Variants in FAF1 observed in about 807,000 individuals in gnomAD.
FAF1 encodes FAS-associated factor 1.
Under a neutral mutation model 92.5 loss-of-function variants are expected in FAF1, and 25 were observed. The observed-to-expected ratio is 0.27, with a 90% confidence interval of 0.20 to 0.38. The LOEUF (loss-of-function observed/expected upper bound fraction) is 0.38. Among genes scored for constraint, FAF1 ranks in the 10% least tolerant of loss-of-function variants. The pLI is 1.00. For synonymous variants in FAF1, 234 were observed against 273.2 expected (o/e 0.86, Z 1.42); for missense variants, 636 against 793.3 (o/e 0.80, Z 2.38).
At chr1:50,442,493 TA>T (rs1329245081) in intron 18 of FAF1, among the ~76,000 whole-genome samples, 3 of 152,208 alleles carry the variant, frequency 2.0e-5, no homozygotes, top group Non-Finnish European at 4.4e-5. Context: ...AGGTGTTCCA[TA>T]ATGACTGCTG....
chr1:50,815,987 A>ACAG (rs1334203092), intron 2 of FAF1, among the ~76,000 whole-genome samples: 1 of 151,568 alleles, frequency 6.6e-6, no homozygotes, highest in Non-Finnish European at 1.5e-5. Flanking sequence ...AGATCAAGGT[A>ACAG]CAGCACTCCA....
At chr1:50,717,625 T>C (rs1206385608) in intron 6 of FAF1, among the ~76,000 whole-genome samples, 1 of 152,152 alleles carries the variant, frequency 6.6e-6, no homozygotes, top group African/African-American at 2.4e-5. Flanking sequence ...AAATCCAAAT[T>C]GAAATCTCAC....
At chr1:50,590,348 A>G (rs1022205746) in intron 9 of FAF1, among the ~76,000 whole-genome samples, 16 of 152,186 alleles carry the variant, frequency 1.1e-4, no homozygotes, top group Non-Finnish European at 2.1e-4. Flanking sequence ...CTTTCATAGT[A>G]CAAGTCTCCC....
At chr1:50,829,681 A>C (rs1488587553) in intron 2 of FAF1, among the ~76,000 whole-genome samples, 2 of 152,208 alleles carry the variant, frequency 1.3e-5, no homozygotes, top group African/African-American at 2.4e-5. Context: ...TCAGGAAAAC[A>C]AGAAACTACC....
intron 4 of FAF1, among the ~76,000 whole-genome samples, chr1:50,783,065 AACAG>A (rs1441805451): frequency 6.6e-6 from 1 of 152,174 alleles, no homozygotes; most frequent in East Asian, 1.9e-4. Flanking sequence ...AAATAATTAT[AACAG>A]ACTACTATGA....
intron 5 of FAF1, among the ~76,000 whole-genome samples, chr1:50,740,958 T>C (rs1046434383): frequency 5.9e-5 from 9 of 152,216 alleles, no homozygotes; most frequent in African/African-American, 1.4e-4. Flanking sequence ...TATCCAAAGA[T>C]TTTCTATTAA....
At chr1:50,788,505 C>T (rs928508525) in intron 3 of FAF1, among the ~76,000 whole-genome samples, 1 of 152,116 alleles carries the variant, frequency 6.6e-6, no homozygotes, top group Non-Finnish European at 1.5e-5. Flanking sequence ...ATTTTTAACT[C>T]GGTAAATTAA....
chr1:50,614,839 CAAA>C (rs1295301237), intron 8 of FAF1, among the ~76,000 whole-genome samples: 3 of 46,822 alleles, frequency 6.4e-5, no homozygotes, highest in Non-Finnish European at 9.2e-5. Flanking sequence ...AACTCCGTCT[CAAA>C]AAAAAAAAAA....
intron 7 of FAF1, among the ~76,000 whole-genome samples, chr1:50,698,462 G>T (rs1401095613): frequency 6.6e-6 from 1 of 152,080 alleles, no homozygotes; most frequent in Non-Finnish European, 1.5e-5. Flanking sequence ...TGACTACATG[G>T]TCATGATCAA....
At chr1:50,847,884 C>T in intron 2 of FAF1, among the ~76,000 whole-genome samples, 1 of 151,396 alleles carries the variant, frequency 6.6e-6, no homozygotes, top group South Asian at 2.1e-4. Context: ...CAAATGCACA[C>T]ATATACACAC....
At chr1:50,922,882 G>C (rs1252762866) in intron 1 of FAF1, among the ~76,000 whole-genome samples, 2 of 131,888 alleles carry the variant, frequency 1.5e-5, no homozygotes, top group African/African-American at 5.6e-5. Context: ...AGATAAAAAA[G>C]ATCAATAAAC....
chr1:50,605,455 T>C (rs992827606), intron 8 of FAF1, among the ~76,000 whole-genome samples: 13 of 152,184 alleles, frequency 8.5e-5, no homozygotes, highest in African/African-American at 3.1e-4. Context: ...CAACTTTACC[T>C]ATATAAAAAA....
At chr1:50,781,129 A>G (rs1661161428) in intron 4 of FAF1, 1 of 301,284 alleles carries the variant, frequency 3.3e-6, no homozygotes, top group Middle Eastern at 1.1e-3. Flanking sequence ...AGGGCAGTCA[A>G]TACTCCTCCG....
At chr1:50,692,461 C>A (rs1656981584) in intron 7 of FAF1, among the ~76,000 whole-genome samples, 1 of 152,092 alleles carries the variant, frequency 6.6e-6, no homozygotes. Flanking sequence ...CCCGTCCACA[C>A]CCCACCACCA....
chr1:50,572,305 TAAAGA>T (rs1650482423), intron 12 of FAF1, among the ~76,000 whole-genome samples: 1 of 152,250 alleles, frequency 6.6e-6, no homozygotes, highest in African/African-American at 2.4e-5. Context: ...ACTTCTACCC[TAAAGA>T]AATGTCTTGA....
intron 8 of FAF1, among the ~76,000 whole-genome samples, chr1:50,619,636 T>C (rs759010791): frequency 1.3e-5 from 2 of 152,190 alleles, no homozygotes; most frequent in Non-Finnish European, 2.9e-5. Context: ...GGGTTCTCTC[T>C]GTATATGACT....
At chr1:50,694,044 G>A (rs777721554) in intron 7 of FAF1, among the ~76,000 whole-genome samples, 2 of 151,514 alleles carry the variant, frequency 1.3e-5, no homozygotes, top group Non-Finnish European at 2.9e-5. Flanking sequence ...ACATATACAT[G>A]ACATGTATGA....
intron 7 of FAF1, among the ~76,000 whole-genome samples, chr1:50,678,861 C>T (rs570030351): frequency 5.6e-5 from 8 of 143,774 alleles, no homozygotes; most frequent in Non-Finnish European, 1.0e-4. Flanking sequence ...CCGAGGCAGG[C>T]GGATCACGAG....
At chr1:50,601,367 C>G (rs984665084) in intron 8 of FAF1, among the ~76,000 whole-genome samples, 1 of 152,104 alleles carries the variant, frequency 6.6e-6, no homozygotes, top group Admixed American at 6.5e-5. Context: ...CTTAATACTT[C>G]TTTCTTTAAA....
Sources: allele counts gnomAD v4.1 joint callset (sites outside exome capture counted in the v4.1 genomes callset), GRCh38; gene constraint gnomAD v4.1.1; transcripts MANE v1.5; gene names NCBI Gene and HGNC (gene_info 2026-07-23, HGNC 2026-07-21).